The following DAB2IP variants were observed in gnomAD, a reference collection of about 807,000 sequenced individuals.
The protein encoded by DAB2IP is disabled homolog 2-interacting protein.
DAB2IP carries 28 observed loss-of-function variants against 107.2 expected under a neutral mutation model. That is an observed-to-expected ratio of 0.26 (90% CI 0.19 to 0.36). The LOEUF is 0.36. DAB2IP is among the 10% of genes least tolerant of loss of function. The pLI is 1.00. For synonymous variants in DAB2IP, 755 were observed against 706.4 expected, an observed-to-expected ratio of 1.07 and a Z score of -1.09; for missense variants, 1,400 against 1,644.7, an observed-to-expected ratio of 0.85 and a Z score of 2.57.
intron 1 of DAB2IP, among the ~76,000 whole-genome samples, chr9:121,658,689 C>G (rs572635598): frequency 1.3e-5 from 2 of 152,280 alleles, no homozygotes; most frequent in South Asian, 2.1e-4. Context: ...AAAGTAGACT[C>G]GATACTCAGC....
chr9:121,604,797 C>A lies in DAB2IP; in HGVS notation c.40+37569C>A, dbSNP rs77782716. On this transcript the variant is annotated intron_variant, in intron 1 of 16. Coordinates refer to the DAB2IP transcript ENST00000259371. ...CTTTAGAAATTGCTCTAGTGAATGC[C>A]CTAGTGAATGCTTGGAAAGCTTTGT... is the stretch of plus-strand genomic sequence containing the variant. 3.2e-3 allele frequency among the ~76,000 whole-genome samples: 482 copies of A among 152,234 alleles called. 1 individual carries two copies. Among genetic ancestry groups the A allele is most frequent in the Admixed American group, 6.3e-3 (96 of 15,284 alleles).
intron 3 of DAB2IP, among the ~76,000 whole-genome samples, chr9:121,712,813 A>C (rs545173752): frequency 6.6e-6 from 1 of 152,356 alleles, no homozygotes; most frequent in Admixed American, 6.5e-5. Context: ...TCCACAGTCC[A>C]AACAGGTCCA....
chr9:121,768,731 C>A, intron 10 of DAB2IP, 98 bp downstream of exon 10: 1 of 1,486,450 alleles, frequency 6.7e-7, no homozygotes, highest in East Asian at 2.3e-5. Context: ...AGAGTTTGCC[C>A]AAGTGGCATG....
At chr9:121,652,015 C>T (rs1832763490) in intron 1 of DAB2IP, 116 bp downstream of exon 1, 2 of 945,300 alleles carry the variant, frequency 2.1e-6, no homozygotes, top group African/African-American at 1.7e-5. Flanking sequence ...GGGGTTTCCT[C>T]ATCCGCCCCT....
intron 1 of DAB2IP, among the ~76,000 whole-genome samples, chr9:121,620,744 C>T (rs910106767): frequency 6.6e-6 from 1 of 152,170 alleles, no homozygotes; most frequent in Non-Finnish European, 1.5e-5. Context: ...TCTCTGTTGA[C>T]ACCGCTTGAC....
intron 3 of DAB2IP, among the ~76,000 whole-genome samples, chr9:121,733,951 G>A (rs1484363668): frequency 1.1e-4 from 17 of 152,244 alleles, no homozygotes; most frequent in Admixed American, 1.1e-3. Flanking sequence ...GAGGCCCAAG[G>A]CTCTGGACTT....
intron 3 of DAB2IP, among the ~76,000 whole-genome samples, chr9:121,704,297 A>C (rs1253843565): frequency 6.6e-6 from 1 of 152,218 alleles, no homozygotes; most frequent in Non-Finnish European, 1.5e-5. Context: ...GATTTTTGAG[A>C]GTGCTTACCT....
Position 121,736,885 on chromosome 9 carries a change from AAGAC to A in DAB2IP, c.363-20124_363-20121del, listed in dbSNP as rs1292786752. Among the ~76,000 whole-genome samples, 2 of 152,192 alleles carry A rather than the reference AAGAC, an allele frequency of 1.3e-5. No individual in the cohort carries two copies. The highest frequency in any genetic ancestry group is 2.9e-5 in the Non-Finnish European group (2 of 68,040). On this transcript the variant is annotated intron_variant, in intron 3 of 15. Transcript: ENST00000408936. The surrounding 1 kb of genome is among the most constrained non-coding windows in gnomAD (Gnocchi z 4.6). ...GACCGGACATTTTCATGATAGGTAA[AAGAC>A]AGAAACAAACAAGATGACTTCAGGG...
chr9:121,601,949 CTT>C (rs1028752528), intron 1 of DAB2IP, among the ~76,000 whole-genome samples: 1 of 151,850 alleles, frequency 6.6e-6, no homozygotes, highest in Admixed American at 6.6e-5. Context: ...GCCAGCAATG[CTT>C]TTATCACAAG....
At chr9:121,675,705 G>A (rs1564149327) in intron 1 of DAB2IP, among the ~76,000 whole-genome samples, 1 of 152,176 alleles carries the variant, frequency 6.6e-6, no homozygotes, top group Non-Finnish European at 1.5e-5. Flanking sequence ...GTGACCTTGG[G>A]CTGGTGACTG....
chr9:121,623,768 A>T (rs1831552806), intron 1 of DAB2IP, among the ~76,000 whole-genome samples: 1 of 149,184 alleles, frequency 6.7e-6, no homozygotes, highest in Non-Finnish European at 1.5e-5. Flanking sequence ...GCTCATTGCC[A>T]CCTCCGCCTC....
At position 121,761,765 on chromosome 9, in the gene DAB2IP, C is replaced by A. The variant is rs189002421; in HGVS notation, c.1170+1326C>A. Reference sequence around the variant, plus strand: ...GTTGGGCCAGCTCTGGCTGCCCCGTCCTTAACATGCTGGTCAACACTGGGG... The same window carrying A: ...GTTGGGCCAGCTCTGGCTGCCCCGTACTTAACATGCTGGTCAACACTGGGG... On this transcript the variant is annotated intron_variant, in intron 6 of 15. Coordinates refer to ENST00000408936, the Ensembl canonical transcript of DAB2IP. 9.2e-5 allele frequency among the ~76,000 whole-genome samples: 14 copies of A among 152,344 alleles called. No individual in the cohort carries two copies. The East Asian group carries it at 2.5e-3, about 27-fold the overall frequency.
chr9:121,699,709 A>G lies in DAB2IP; in HGVS notation c.362+251A>G, dbSNP rs987043690. ...GAGGGTGCCCGCGGCGGCCCGGGCGAGGCCGGGCGCGAAGTCCCCTCGCAG... is the reference window on the plus strand; with the variant it reads ...GAGGGTGCCCGCGGCGGCCCGGGCGGGGCCGGGCGCGAAGTCCCCTCGCAG... On this transcript the variant is annotated intron_variant, in intron 3 of 15. Transcript: ENST00000408936. The surrounding 1 kb of genome is among the most constrained non-coding windows in gnomAD (Gnocchi z 6.2). Among the ~76,000 whole-genome samples, 4 of 152,006 alleles carry G rather than the reference A, an allele frequency of 2.6e-5. No individual in the cohort carries two copies. Among genetic ancestry groups the G allele is most frequent in the African/African-American group, 9.7e-5 (4 of 41,408 alleles).
At chr9:121,678,771 T>C in exon 2 of DAB2IP, 1 of 1,592,920 alleles carries the variant, frequency 6.3e-7, no homozygotes, top group African/African-American at 1.3e-5. Flanking sequence ...GCCACGCCGT[T>C]CCGGGTCACG....
chr9:121,628,759 C>T (rs1831763746), intron 1 of DAB2IP, among the ~76,000 whole-genome samples: 1 of 152,150 alleles, frequency 6.6e-6, no homozygotes. Flanking sequence ...CCTGTGGTTG[C>T]AGGATGACCA....
At chr9:121,625,462 A>C (rs988170641) in intron 1 of DAB2IP, among the ~76,000 whole-genome samples, 5 of 151,460 alleles carry the variant, frequency 3.3e-5, no homozygotes, top group Non-Finnish European at 7.4e-5. Context: ...GGATTTTGCT[A>C]TGTTAGCCAG....
chr9:121,583,785 T>C (rs1564683194), intron 1 of DAB2IP, among the ~76,000 whole-genome samples: 1 of 152,218 alleles, frequency 6.6e-6, no homozygotes, highest in Non-Finnish European at 1.5e-5. Context: ...CCAGTGGTTT[T>C]CCCGTTGTGT....
At chr9:121,579,645 A>G (rs34469132) in intron 1 of DAB2IP, among the ~76,000 whole-genome samples, 178 of 152,160 alleles carry the variant, frequency 1.2e-3, no homozygotes, top group Middle Eastern at 0.01. Context: ...GGTTCTGCTC[A>G]GGGCTCTGGG....
chr9:121,627,004 C>A (rs1479080944), intron 1 of DAB2IP, among the ~76,000 whole-genome samples: 2 of 151,728 alleles, frequency 1.3e-5, no homozygotes, highest in African/African-American at 4.9e-5. Context: ...CCATCAACAT[C>A]CTGCACCAAA....
Sources: gnomAD v4.1 joint callset for allele counts (sites outside exome capture counted in the v4.1 genomes callset) on GRCh38, gnomAD v4.1.1 for gene constraint, Gnocchi (gnomAD v3.1) non-coding constraint, MANE v1.5 for transcripts, NCBI Gene and HGNC (gene_info 2026-07-23, HGNC 2026-07-21) for gene names.